PCDHGA6: variants seen among roughly 807,000 people sequenced by gnomAD.
The protein encoded by PCDHGA6 is protocadherin gamma subfamily A, 6.
PCDHGA6 carries 41 observed loss-of-function variants against 60.6 expected under a neutral mutation model. The ratio of observed to expected loss-of-function variants is 0.68; its 90% confidence interval spans 0.53 to 0.88. PCDHGA6 has a LOEUF of 0.88. Ranked by LOEUF, PCDHGA6 falls within the 40% of genes least tolerant of loss-of-function variation. The pLI is 0.00. For missense variants in PCDHGA6, 1,312 were observed against 1,203.0 expected (o/e 1.09, Z -1.34); for synonymous variants, 594 against 524.4 (o/e 1.13, Z -1.81).
intron 1 of PCDHGA6, among the ~76,000 whole-genome samples, chr5:141,456,101 G>A (rs1231843666): frequency 6.6e-6 from 1 of 151,970 alleles, no homozygotes; most frequent in African/African-American, 2.4e-5. Context: ...ATTTCACCGT[G>A]TTAGCCAGGA....
chr5:141,402,867 C>A (rs996572604), intron 1 of PCDHGA6: 7 of 1,443,390 alleles, frequency 4.8e-6, no homozygotes, highest in Non-Finnish European at 6.4e-6. Context: ...AGGAAAAGAT[C>A]ACCATACTTT....
chr5:141,450,846 A>C (rs2098698903), intron 1 of PCDHGA6, among the ~76,000 whole-genome samples: 1 of 115,730 alleles, frequency 8.6e-6, no homozygotes. Context: ...TTTTTTTGAG[A>C]TGGGGTCTTG....
In PCDHGA6 at chr5:141,384,637, C is replaced by T. The variant is rs764454496; in HGVS notation, c.2424+8130C>T. On this transcript the variant is annotated intron_variant, in intron 1 of 3. Transcript: ENST00000517434. ...TTCTACTGGCATGGAGCTGGCACCC[C>T]GCTCCGCAGAGCCCGGCTACCTGGT... is the stretch of plus-strand genomic sequence containing the variant. The T allele has an allele frequency of 1.7e-5, 28 of 1,614,114 alleles. No individual in the cohort carries two copies. The highest frequency in any genetic ancestry group is 1.6e-4 in the Middle Eastern group (1 of 6,082).
intron 1 of PCDHGA6, among the ~76,000 whole-genome samples, chr5:141,381,832 T>TTTG (rs1185630457): frequency 7.4e-6 from 1 of 135,134 alleles, no homozygotes; most frequent in Non-Finnish European, 1.6e-5. Flanking sequence ...TCTTCTTTTT[T>TTTG]TTTTTTTTTT....
At chr5:141,420,025 T>A in intron 1 of PCDHGA6, 1 of 1,614,096 alleles carries the variant, frequency 6.2e-7, no homozygotes, top group Non-Finnish European at 8.5e-7. Context: ...TCAGCCCTAC[T>A]GCAGGAGACT....
At chr5:141,419,686 G>T (rs551990092) in intron 1 of PCDHGA6, 2 of 1,612,878 alleles carry the variant, frequency 1.2e-6, no homozygotes, top group South Asian at 1.1e-5. Flanking sequence ...ACCACGTGGT[G>T]CAGGCCAGTG....
At chr5:141,415,024 G>C in intron 1 of PCDHGA6, 1 of 1,613,568 alleles carries the variant, frequency 6.2e-7, no homozygotes, top group Non-Finnish European at 8.5e-7. Flanking sequence ...CAAGGCCAGC[G>C]AGCCGGGACT....
intron 1 of PCDHGA6, chr5:141,423,748 T>TG: frequency 7.2e-6 from 2 of 278,014 alleles, no homozygotes; most frequent in Admixed American, 4.2e-4. Flanking sequence ...ATGAAAACTG[T>TG]TTGGGGGGGG....
At chr5:141,400,360 C>T (rs1327384409) in intron 1 of PCDHGA6, 2 of 1,614,030 alleles carry the variant, frequency 1.2e-6, no homozygotes, top group East Asian at 2.2e-5. Context: ...GGGGACTTTG[C>T]CTTATTCCTA....
intron 1 of PCDHGA6, chr5:141,409,124 G>T: frequency 6.2e-7 from 1 of 1,613,940 alleles, no homozygotes. Context: ...CCAGTCATTT[G>T]ATTTTGAAGA....
chr5:141,490,611 G>A lies in PCDHGA6; in HGVS notation c.2425-4196G>A, dbSNP rs1442281165. 1 of 1,614,052 alleles carries A rather than the reference G, an allele frequency of 6.2e-7. No homozygotes were observed. The highest frequency in any genetic ancestry group is 1.3e-5 in the African/African-American group (1 of 74,914). On this transcript the variant is annotated intron_variant, in intron 1 of 3. Coordinates refer to ENST00000517434, the MANE Select transcript of PCDHGA6 (RefSeq NM_018919.3). This position sits in a 1 kb window ranked among gnomAD's most constrained non-coding sequence, Gnocchi z 5.4. ...ACAATGCACCCCGCTTCAACCAGCA[G>A]CTTTACACTGCTTACATCCTAGAAA...
At chr5:141,394,845 C>G (rs2093112269) in intron 1 of PCDHGA6, 20 of 1,613,866 alleles carry the variant, frequency 1.2e-5, no homozygotes, top group Non-Finnish European at 1.7e-5. Flanking sequence ...GTTGGGCAGT[C>G]TGAAGCCTTC....
chr5:141,386,593 A>G (rs1350788918), intron 1 of PCDHGA6, among the ~76,000 whole-genome samples: 3 of 151,446 alleles, frequency 2.0e-5, no homozygotes, highest in African/African-American at 7.3e-5. Context: ...TGTGGGGGAT[A>G]CATTTTTTTT....
intron 1 of PCDHGA6, chr5:141,421,516 T>C (rs199973694): frequency 6.8e-6 from 11 of 1,614,064 alleles, no homozygotes; most frequent in Non-Finnish European, 9.3e-6. Context: ...GGAGGAGCTC[T>C]GTGAGACGGT....
intron 1 of PCDHGA6, chr5:141,383,994 C>T: frequency 6.2e-7 from 1 of 1,613,758 alleles, no homozygotes. Flanking sequence ...TTGGGACAGT[C>T]ATTGCTCTTT....
chr5:141,439,588 T>C (rs2098121813), intron 1 of PCDHGA6, among the ~76,000 whole-genome samples: 2 of 152,200 alleles, frequency 1.3e-5, no homozygotes, highest in South Asian at 4.1e-4. Flanking sequence ...AGTGCCACTG[T>C]TGGCCAGTCT....
intron 3 of PCDHGA6, 40 bp downstream of exon 3, chr5:141,505,521 T>C: frequency 1.9e-6 from 3 of 1,612,684 alleles, no homozygotes; most frequent in Non-Finnish European, 2.5e-6. Context: ...GTGGGAGACC[T>C]GGGGTTCTGG....
Position 141,376,366 on chromosome 5 carries a change from A to G in PCDHGA6, c.2283A>G (p.Ala761=). 7.4e-6 allele frequency: 12 copies of G among 1,614,204 alleles called. No individual in the cohort carries two copies. The highest frequency in any genetic ancestry group is 1.1e-5 in the South Asian group (1 of 91,084). Reference sequence around the variant, plus strand: ...ATTCCCACGAGGTCTCACTCACTGCAGACTCGCGTAAGAGTCATCTGATTT... The same window carrying G: ...ATTCCCACGAGGTCTCACTCACTGCGGACTCGCGTAAGAGTCATCTGATTT... ...QTYSHEVSLT[A]DSRKSHLIFP... The change falls in exon 1 of 4, where the codon GCA becomes GCG. Residue 761 remains alanine (A), a synonymous_variant. Transcript: ENST00000517434.
chr5:141,402,616 A>G (rs974813396), intron 1 of PCDHGA6, among the ~76,000 whole-genome samples: 1 of 152,256 alleles, frequency 6.6e-6, no homozygotes, highest in African/African-American at 2.4e-5. Flanking sequence ...AAATGCAAGA[A>G]ACAATTGGAG....
Sources: allele counts gnomAD v4.1 joint callset (sites outside exome capture counted in the v4.1 genomes callset), GRCh38; gene constraint gnomAD v4.1.1; non-coding constraint Gnocchi (gnomAD v3.1); transcripts MANE v1.5; gene names NCBI Gene and HGNC (gene_info 2026-07-23, HGNC 2026-07-21).